The following FERMT2 variants were observed in gnomAD, a reference collection of about 807,000 sequenced individuals.
FERMT2 encodes the protein FERM domain containing kindlin 2.
A neutral mutation model predicts 82.7 loss-of-function variants in FERMT2; 15 were observed. That is an observed-to-expected ratio of 0.18 (90% CI 0.12 to 0.28). FERMT2 has a LOEUF of 0.28. FERMT2 is among the 10% of genes least tolerant of loss of function. The probability of loss-of-function intolerance (pLI) is 1.00; values close to 1 mark genes in which losing one functional copy is unlikely to be tolerated. For missense variants in FERMT2, 645 were observed against 809.4 expected (o/e 0.80, Z 2.46); for synonymous variants, 274 against 271.5 (o/e 1.01, Z -0.09).
chr14:52,869,411 G>A (rs753119011), intron 10 of FERMT2, among the ~76,000 whole-genome samples: 89 of 152,240 alleles, frequency 5.8e-4, no homozygotes, highest in Non-Finnish European at 1.1e-3. Context: ...GTTGAAATAC[G>A]GTAAATCTAT....
chr14:52,929,289 T>C (rs899442687), intron 2 of FERMT2, among the ~76,000 whole-genome samples: 1 of 152,174 alleles, frequency 6.6e-6, no homozygotes, highest in East Asian at 1.9e-4. Context: ...CAGTCTCCAC[T>C]GGCACCACCC....
At chr14:52,935,748 A>G (rs1458798376) in intron 2 of FERMT2, among the ~76,000 whole-genome samples, 1 of 152,210 alleles carries the variant, frequency 6.6e-6, no homozygotes, top group African/African-American at 2.4e-5. Flanking sequence ...ACAAATTGCA[A>G]TTTCTTCTAC....
At chr14:52,886,238 A>C (rs907288405) in intron 4 of FERMT2, among the ~76,000 whole-genome samples, 8 of 152,116 alleles carry the variant, frequency 5.3e-5, no homozygotes, top group African/African-American at 1.9e-4. Flanking sequence ...TTCATGTACT[A>C]CTGATGGAAG....
At chr14:52,876,934 A>C (rs1885992568) in intron 7 of FERMT2, among the ~76,000 whole-genome samples, 1 of 152,128 alleles carries the variant, frequency 6.6e-6, no homozygotes. Context: ...TTATATCTAG[A>C]TTCTAAAATG....
intron 3 of FERMT2, among the ~76,000 whole-genome samples, chr14:52,913,215 A>C (rs904897116): frequency 6.6e-6 from 1 of 152,186 alleles, no homozygotes; most frequent in African/African-American, 2.4e-5. Context: ...CTTTAGGTGG[A>C]TATTTAAACA....
chr14:52,862,216 C>T (rs761881729), intron 12 of FERMT2: 1 of 152,196 alleles, frequency 6.6e-6, no homozygotes, highest in Non-Finnish European at 1.5e-5. Context: ...AGGCGTGCAC[C>T]ACCATGCCTG....
intron 3 of FERMT2, among the ~76,000 whole-genome samples, chr14:52,898,292 T>C (rs896601834): frequency 6.6e-6 from 1 of 152,170 alleles, no homozygotes; most frequent in Non-Finnish European, 1.5e-5. Flanking sequence ...CTGGTTTTTT[T>C]AAAAAACATA....
chr14:52,949,482 AC>A, intron 2 of FERMT2, among the ~76,000 whole-genome samples: 1 of 151,898 alleles, frequency 6.6e-6, no homozygotes, highest in South Asian at 2.1e-4. Context: ...ACAATGCCAC[AC>A]AGATAATCAT....
intron 1 of FERMT2, 159 bp downstream of exon 1, chr14:52,950,762 C>T: frequency 3.7e-6 from 2 of 542,730 alleles, no homozygotes; most frequent in Non-Finnish European, 3.2e-6. Context: ...CGCCCCGCAG[C>T]GTTCCTCGGT....
chr14:52,919,086 T>G, intron 3 of FERMT2, 37 bp downstream of exon 3: 2 of 1,431,204 alleles, frequency 1.4e-6, no homozygotes, highest in African/African-American at 1.4e-5. Flanking sequence ...GTACATCACA[T>G]AACTCGTATT....
intron 3 of FERMT2, among the ~76,000 whole-genome samples, chr14:52,917,610 C>T (rs1257321422): frequency 6.6e-6 from 1 of 152,064 alleles, no homozygotes; most frequent in Admixed American, 6.6e-5. Context: ...CTCCTACATC[C>T]CGAATCCCCT....
In FERMT2 at chr14:52,864,743, T is replaced by G; in HGVS notation, c.1380+4A>C. The stretch of plus-strand genomic sequence containing the variant: ...TGAAGTGTATTTTTAACTGGAAAAC[T>G]TACATTGTCACAACGAAGCCAGATT... On this transcript the variant is annotated splice_donor_region_variant and intron_variant, in intron 11 of 14. Transcript: ENST00000341590. The G allele has an allele frequency of 3.1e-6, 5 of 1,605,620 alleles. No individual in the cohort carries two copies. The highest frequency in any genetic ancestry group is 4.3e-6 in the Non-Finnish European group (5 of 1,173,652).
At chr14:52,940,237 T>C (rs774696014) in intron 2 of FERMT2, among the ~76,000 whole-genome samples, 25 of 151,962 alleles carry the variant, frequency 1.6e-4, no homozygotes, top group Non-Finnish European at 2.9e-4. Flanking sequence ...AAATGACAGA[T>C]AATTAAGTCT....
At chr14:52,923,414 A>G (rs1050112643) in intron 2 of FERMT2, among the ~76,000 whole-genome samples, 5 of 152,156 alleles carry the variant, frequency 3.3e-5, no homozygotes, top group Non-Finnish European at 5.9e-5. Context: ...TTAAGAAAAA[A>G]GAAAGAAAAG....
intron 3 of FERMT2, among the ~76,000 whole-genome samples, chr14:52,909,526 G>A (rs1160966388): frequency 1.3e-5 from 2 of 152,210 alleles, no homozygotes; most frequent in African/African-American, 4.8e-5. Flanking sequence ...GGTGGCTAAT[G>A]CGTGTAATCC....
At chr14:52,901,876 T>C (rs1445560158) in intron 3 of FERMT2, among the ~76,000 whole-genome samples, 4 of 152,236 alleles carry the variant, frequency 2.6e-5, no homozygotes, top group Admixed American at 2.6e-4. Flanking sequence ...GACTGTGAGA[T>C]AAATTCGTGT....
intron 2 of FERMT2, among the ~76,000 whole-genome samples, chr14:52,937,564 C>T (rs753924554): frequency 1.3e-5 from 2 of 152,150 alleles, no homozygotes; most frequent in Non-Finnish European, 2.9e-5. Flanking sequence ...TCAATCAGAT[C>T]ATTGACTCAA....
chr14:52,931,705 C>G (rs1889578039), intron 2 of FERMT2, among the ~76,000 whole-genome samples: 1 of 152,158 alleles, frequency 6.6e-6, no homozygotes, highest in Non-Finnish European at 1.5e-5. Flanking sequence ...GTACCAAGCA[C>G]TTAACACATT....
chr14:52,901,514 C>T (rs12889169), intron 3 of FERMT2, among the ~76,000 whole-genome samples: 122,731 of 152,092 alleles, frequency 0.81, 49,719 homozygotes, highest in East Asian at 1. Context: ...GTGAGCCCAA[C>T]GTAATCACAT....
Sources: allele counts gnomAD v4.1 joint callset (sites outside exome capture counted in the v4.1 genomes callset), GRCh38; gene constraint gnomAD v4.1.1; transcripts MANE v1.5; gene names NCBI Gene and HGNC (gene_info 2026-07-23, HGNC 2026-07-21).